The following CUBN variants were observed in gnomAD, a reference collection of about 807,000 sequenced individuals.
CUBN encodes cubilin.
In CUBN, 282 loss-of-function variants were observed where a neutral mutation model predicts 405.3. The observed-to-expected ratio is 0.70, with a 90% CI of 0.63 to 0.77. The LOEUF (loss-of-function observed/expected upper bound fraction) is 0.77, where lower values mean the gene tolerates loss of function less well. Ranked by LOEUF, CUBN falls within the 30% of genes least tolerant of loss-of-function variation. The probability of loss-of-function intolerance (pLI) is 0.00; values close to 1 mark genes in which losing one functional copy is unlikely to be tolerated. For synonymous variants in CUBN, 1,684 were observed against 1,617.0 expected (o/e 1.04, Z -0.99); for missense variants, 4,514 against 4,475.2 (o/e 1.01, Z -0.25).
intron 33 of CUBN, among the ~76,000 whole-genome samples, chr10:16,951,288 T>A (rs933367445): frequency 2.0e-5 from 3 of 152,174 alleles, no homozygotes; most frequent in Non-Finnish European, 2.9e-5. Flanking sequence ...GGCTGCCACA[T>A]CTTATGCATG....
chr10:17,111,083 C>G (rs749310005), intron 8 of CUBN, 33 bp from the exon 9 acceptor site: 6 of 1,612,588 alleles, frequency 3.7e-6, no homozygotes, highest in Non-Finnish European at 5.1e-6. Context: ...AAGTTTAGCT[C>G]TATAGACAAG....
At chr10:16,942,029 A>G (rs1054168393) in intron 36 of CUBN, among the ~76,000 whole-genome samples, 3 of 152,196 alleles carry the variant, frequency 2.0e-5, no homozygotes, top group African/African-American at 4.8e-5. Context: ...TCATAAAAGA[A>G]GACAAGAAAA....
rs147667741 is a variant in CUBN, at chr10:16,913,822, C to T, written c.7522G>A (p.Glu2508Lys). Reference protein sequence around the residue: ...RLATHPSCNNEHVIVFNGIRS... With the variant: ...RLATHPSCNNKHVIVFNGIRS... ...CAGGGAACACTTACTATCACATGCT[C>T]ATTGTTGCAGGACGGATGCGTGGCC... Residue 2508 changes from glutamate to lysine, a missense_variant, in exon 48 of 67, where the codon GAG becomes AAG. Transcript: ENST00000377833. 1.2e-4 allele frequency: 199 copies of T among 1,613,500 alleles called. No homozygotes were observed. Among genetic ancestry groups the T allele is most frequent in the Non-Finnish European group, 1.6e-4 (189 of 1,180,028 alleles).
At chr10:16,973,186 T>A (rs1006332148) in intron 31 of CUBN, among the ~76,000 whole-genome samples, 1 of 152,156 alleles carries the variant, frequency 6.6e-6, no homozygotes, top group African/African-American at 2.4e-5. Flanking sequence ...TCATTTTTTA[T>A]TCCCAAATGT....
rs1283376097 is a variant in CUBN at position 17,123,663 on chromosome 10, G to A, written c.414C>T (p.Ser138=). Residue 138 remains serine (S), a synonymous_variant, in exon 5 of 67, where the codon AGC becomes AGT. Coordinates refer to ENST00000377833, the MANE Select transcript of CUBN (RefSeq NM_001081.4). ...AGGTTCCACCATTCTGGCAAGGATT[G>A]CTGCTGCAAACCTTTTTGTCAACAG... ...QQTVDKKVCS[S]NPCQNGGTCL... is the part of the protein sequence containing the mutation. 6.2e-7 allele frequency: 1 copy of A among 1,613,910 alleles called. No homozygotes were observed. Among genetic ancestry groups the A allele is most frequent in the South Asian group, 1.1e-5 (1 of 90,978 alleles).
intron 28 of CUBN, among the ~76,000 whole-genome samples, chr10:17,013,241 C>A (rs1044574111): frequency 1.3e-5 from 2 of 152,022 alleles, no homozygotes; most frequent in Non-Finnish European, 2.9e-5. Flanking sequence ...TCCTCTCTCT[C>A]TCTCTGACTT....
At chr10:17,120,556 C>T (rs45505493) in intron 6 of CUBN, among the ~76,000 whole-genome samples, 196 of 152,306 alleles carry the variant, frequency 1.3e-3, no homozygotes, top group Non-Finnish European at 1.4e-3. Context: ...GAGAGAATTT[C>T]GTACTGTTCT....
In CUBN at chr10:16,827,433, T is replaced by G. The variant is rs529201208; in HGVS notation, c.10764+1372A>C. Among the ~76,000 whole-genome samples, 11 of 152,320 alleles carry G rather than the reference T, an allele frequency of 7.2e-5. No individual in the cohort carries two copies. In the South Asian group the frequency reaches 2.3e-3, roughly 32 times the overall value. The stretch of plus-strand genomic sequence containing the variant: ...AAAAATTAGCCTATTTTCTGATACT[T>G]CTGAAAACAGCATTTATCAATTTTA... On this transcript the variant is annotated intron_variant, in intron 66 of 66. Coordinates refer to ENST00000377833, the MANE Select transcript of CUBN (RefSeq NM_001081.4).
intron 22 of CUBN, among the ~76,000 whole-genome samples, chr10:17,055,049 C>G (rs1329611653): frequency 6.6e-6 from 1 of 152,020 alleles, no homozygotes; most frequent in Non-Finnish European, 1.5e-5. Context: ...TTTAGCATAA[C>G]AATTCTGAAT....
chr10:16,854,434 A>G (rs1839811293), intron 59 of CUBN, among the ~76,000 whole-genome samples: 1 of 152,202 alleles, frequency 6.6e-6, no homozygotes, highest in South Asian at 2.1e-4. Context: ...AATAAGTGGT[A>G]GAATCAGGAT....
chr10:17,110,840 T>C (rs1199628526), intron 9 of CUBN, 79 bp downstream of exon 9: 55 of 1,593,892 alleles, frequency 3.5e-5, no homozygotes, highest in Middle Eastern at 1.8e-4. Context: ...ATATTTTAAA[T>C]GGAGCACTAG....
intron 17 of CUBN, among the ~76,000 whole-genome samples, chr10:17,078,759 C>T (rs890102471): frequency 2.0e-5 from 3 of 152,068 alleles, no homozygotes; most frequent in African/African-American, 7.2e-5. Context: ...CCTTTAGTAA[C>T]ACAGAGAGCT....
chr10:17,050,275 A>G (rs1281708821), intron 22 of CUBN, among the ~76,000 whole-genome samples: 1 of 152,174 alleles, frequency 6.6e-6, no homozygotes, highest in Admixed American at 6.5e-5. Context: ...ACTGAACAAA[A>G]TATTGGACAA....
chr10:16,825,117 T>C (rs1288434496), intron 66 of CUBN, 35 bp from the exon 67 acceptor site: 1 of 1,460,686 alleles, frequency 6.8e-7, no homozygotes, highest in Non-Finnish European at 9.5e-7. Flanking sequence ...AATTATATAT[T>C]TCACATATTT....
At chr10:16,879,495 A>G (rs1342933061) in intron 56 of CUBN, among the ~76,000 whole-genome samples, 1 of 152,236 alleles carries the variant, frequency 6.6e-6, no homozygotes, top group African/African-American at 2.4e-5. Flanking sequence ...ATATAAGCAC[A>G]TGCTATGGCA....
Position 16,906,355 on chromosome 10 carries a change from T to C in CUBN, c.7760A>G (p.Tyr2587Cys). 6.2e-7 allele frequency: 1 copy of C among 1,614,018 alleles called. No homozygotes were observed. Among genetic ancestry groups the C allele is most frequent in the African/African-American group, 1.3e-5 (1 of 75,034 alleles). Residue 2587 changes from tyrosine (Y) to cysteine (C), a missense_variant, in exon 50 of 67, where the codon TAT (tyrosine) becomes TGT (cysteine). Tyr to Cys is a radical substitution (Grantham distance 194, BLOSUM62 -2). Coordinates refer to ENST00000377833, the MANE Select transcript of CUBN (RefSeq NM_001081.4). Reference protein sequence around the residue: ...TPEGNFTSPGYDGVRNYSRNL... With the variant: ...TPEGNFTSPGCDGVRNYSRNL... ...TCTTGAGTAATTCCTGACTCCGTCA[T>C]AGCCAGGAGAAGTAAAGTTTCCTTC...
intron 31 of CUBN, among the ~76,000 whole-genome samples, chr10:16,955,374 CAAAAAAAAAAAAAAAAAA>C (rs59365817): frequency 4.4e-5 from 3 of 68,858 alleles, no homozygotes; most frequent in African/African-American, 3.9e-5. Context: ...GATTCTGTCT[CAAAAAAAAAAAAAAAAAA>C]AAAAAAAAAA....
At position 16,851,411 on chromosome 10, in the gene CUBN, C is replaced by T. The variant is rs967141409; in HGVS notation, c.9487G>A (p.Gly3163Ser). The T allele has an allele frequency of 2.5e-6, 4 of 1,614,136 alleles. No individual in the cohort carries two copies. Among genetic ancestry groups the T allele is most frequent in the Non-Finnish European group, 3.4e-6 (4 of 1,180,016 alleles). ...GGAGAGGCAAAGGTATTATTCGAGC[C>T]TGTCAGATAACCACCACATCCTTGC... ...PQQGCGGYLT[G>S]SNNTFASPDS... Residue 3163 changes from glycine to serine, a missense_variant, in exon 60 of 67, where the codon GGC (glycine) becomes AGC (serine). Physicochemically the swap from Gly to Ser is moderately conservative, Grantham distance 56. Coordinates refer to ENST00000377833, the MANE Select transcript of CUBN (RefSeq NM_001081.4).
chr10:17,013,355 T>C (rs951173832), intron 28 of CUBN, among the ~76,000 whole-genome samples: 2 of 151,912 alleles, frequency 1.3e-5, no homozygotes, highest in African/African-American at 2.4e-5. Context: ...TTTCTATCTC[T>C]CTGTCTCCTT....
Sources: gnomAD v4.1 joint callset for allele counts (sites outside exome capture counted in the v4.1 genomes callset) on GRCh38, gnomAD v4.1.1 for gene constraint, MANE v1.5 for transcripts, NCBI Gene and HGNC (gene_info 2026-07-23, HGNC 2026-07-21) for gene names.